SLC25A46: variants seen among roughly 807,000 people sequenced by gnomAD.
SLC25A46 encodes mitochondrial outer membrane protein SLC25A46.
A neutral mutation model predicts 44.6 loss-of-function variants in SLC25A46; 39 were observed. The observed-to-expected ratio is 0.87, with a 90% CI of 0.68 to 1.14. The LOEUF (loss-of-function observed/expected upper bound fraction) is 1.14, where lower values mean the gene tolerates loss of function less well. SLC25A46 is among the 50% of genes most tolerant of loss of function. The pLI, the probability that SLC25A46 is intolerant of heterozygous loss-of-function variation, is 0.00. For missense variants in SLC25A46, 547 were observed against 522.7 expected (o/e 1.05, Z -0.45); for synonymous variants, 202 against 185.8 (o/e 1.09, Z -0.71).
upstream of SLC25A46, chr5:110,738,637 G>A (rs1180070452): frequency 9.8e-6 from 2 of 203,054 alleles, no homozygotes; most frequent in Non-Finnish European, 2.0e-5. Flanking sequence ...AGCTTCCTCG[G>A]AGCAGGCGAG....
chr5:110,749,926 A>G (rs1044105518), intron 5 of SLC25A46, among the ~76,000 whole-genome samples: 17 of 152,154 alleles, frequency 1.1e-4, no homozygotes, highest in African/African-American at 4.1e-4. Flanking sequence ...ATATTTTTGT[A>G]TATCATCCTA....
At chr5:110,738,204 G>C (rs539357284), upstream of SLC25A46, 2 of 1,286,514 alleles carry the variant, frequency 1.6e-6, no homozygotes, top group Admixed American at 2.3e-5. Flanking sequence ...CTCAGATCTG[G>C]GGAGGGAGCC....
upstream of SLC25A46, chr5:110,738,931 C>T (rs1799504250): frequency 2.8e-6 from 4 of 1,421,598 alleles, no homozygotes; most frequent in Non-Finnish European, 3.7e-6. Flanking sequence ...CAACCGTGCC[C>T]TTTAATGGTT....
intron 1 of SLC25A46, 31 bp from the exon 2 acceptor site, chr5:110,742,015 TA>T (rs1339742704): frequency 6.9e-7 from 1 of 1,442,336 alleles, no homozygotes; most frequent in Admixed American, 2.0e-5. Flanking sequence ...TCAGTAATCT[TA>T]TTTTTTTATT....
At chr5:110,738,990 C>G, upstream of SLC25A46, 1 of 1,460,294 alleles carries the variant, frequency 6.8e-7, no homozygotes, top group South Asian at 1.4e-5. Flanking sequence ...GGGTTTCCAA[C>G]GTGACTTCCG....
upstream of SLC25A46, chr5:110,738,256 G>C (rs1799416497): frequency 7.8e-7 from 1 of 1,285,774 alleles, no homozygotes; most frequent in South Asian, 1.2e-5. Flanking sequence ...AGGTAGTAGG[G>C]GACGCTCTAC....
chr5:110,753,305 T>A (rs1228641631), intron 5 of SLC25A46: 1 of 148,902 alleles, frequency 6.7e-6, no homozygotes, highest in Non-Finnish European at 1.5e-5. Context: ...GGGTAAGTTT[T>A]TTTTTTTTTT....
Position 110,764,561 on chromosome 5 carries a change from A to G in SLC25A46, c.*2779A>G, listed in dbSNP as rs528018139. On this transcript the variant is annotated 3_prime_UTR_variant, in exon 8 of 8. Coordinates refer to ENST00000355943, the MANE Select transcript of SLC25A46 (RefSeq NM_138773.4). Reference sequence around the variant, plus strand: ...TTGCAGATATACCTGACCACTCACAACTGTCTTTTTAGCAGCAGCTTTGTT... The same window carrying G: ...TTGCAGATATACCTGACCACTCACAGCTGTCTTTTTAGCAGCAGCTTTGTT... 1 of 152,010 alleles carries G rather than the reference A, an allele frequency of 6.6e-6. No individual in the cohort carries two copies. The highest frequency in any genetic ancestry group is 2.1e-4 in the South Asian group (1 of 4,830). 9.4% of individuals were successfully genotyped at this position (152,010 alleles called of 1,614,324 possible). A position where few individuals can be genotyped will look rare whatever the true frequency, so the allele number is the denominator to read the frequency against.
At position 110,740,674 on chromosome 5, in the gene SLC25A46, G is replaced by A. The variant is rs12188558; in HGVS notation, c.283+1272G>A. ...CTATACATACAAAATGGGTAAGGCCGGGCGTGGTGGCTCACGCCTGTAATC... is the reference window on the plus strand; with the variant it reads ...CTATACATACAAAATGGGTAAGGCCAGGCGTGGTGGCTCACGCCTGTAATC... On this transcript the variant is annotated intron_variant, in intron 1 of 7. Transcript: ENST00000355943. Among the ~76,000 whole-genome samples the A allele has an allele frequency of 1.4e-3, 207 of 152,228 alleles. 1 individual carries two copies. The highest frequency in any genetic ancestry group is 3.8e-3 in the African/African-American group (158 of 41,534).
At chr5:110,749,897 G>A (rs1799917514) in intron 5 of SLC25A46, among the ~76,000 whole-genome samples, 1 of 152,088 alleles carries the variant, frequency 6.6e-6, no homozygotes, top group East Asian at 1.9e-4. Context: ...GCATTACTCT[G>A]ATTTTCTATA....
Position 110,739,226 on chromosome 5 carries a change from G to C in SLC25A46, c.107G>C (p.Gly36Ala). The stretch of plus-strand genomic sequence containing the variant: ...TTCCCTGCAAGGTCCTTCAGCACCG[G>C]GTCGGACCTGGGCCACTGGGTGACG... The part of the protein sequence containing the change: ...GAFPARSFST[G>A]SDLGHWVTTP... The change falls in exon 1 of 8, where the codon GGG becomes GCG. Residue 36 changes from glycine (G) to alanine (A), a missense_variant. Gly to Ala is a moderately conservative substitution (Grantham distance 60). Transcript: ENST00000355943. The C allele has an allele frequency of 6.3e-7, 1 of 1,576,712 alleles. No individual in the cohort carries two copies. The highest frequency in any genetic ancestry group is 1.2e-5 in the South Asian group (1 of 86,074).
At chr5:110,749,081 T>A (rs990109473) in intron 5 of SLC25A46, among the ~76,000 whole-genome samples, 5 of 152,130 alleles carry the variant, frequency 3.3e-5, no homozygotes, top group Non-Finnish European at 7.4e-5. Context: ...TGGCTAGACA[T>A]TTCTGAAGTA....
Position 110,739,281 on chromosome 5 carries a change from C to A in SLC25A46, c.162C>A (p.Asn54Lys). The A allele has an allele frequency of 6.3e-7, 1 of 1,576,692 alleles. No homozygotes were observed. Among genetic ancestry groups the A allele is most frequent in the Non-Finnish European group, 8.6e-7 (1 of 1,161,412 alleles). The change falls in exon 1 of 8, where the codon AAC becomes AAA. Residue 54 changes from asparagine to lysine, a missense_variant. Physicochemically the swap from Asn to Lys is moderately conservative, Grantham distance 94. Coordinates refer to ENST00000355943, the MANE Select transcript of SLC25A46 (RefSeq NM_138773.4). ...TTPPDIPGSR[N>K]LHWGEKSPPY... Reference sequence around the variant, plus strand: ...CCCCAGATATCCCCGGCAGCCGCAACCTGCACTGGGGCGAGAAGAGCCCGC... The same window carrying A: ...CCCCAGATATCCCCGGCAGCCGCAAACTGCACTGGGGCGAGAAGAGCCCGC...
At position 110,739,256 on chromosome 5, in the gene SLC25A46, C is replaced by T. The variant is rs764957322; in HGVS notation, c.137C>T (p.Pro46Leu). 5.1e-6 allele frequency: 8 copies of T among 1,583,238 alleles called. No homozygotes were observed. The South Asian group carries it at 8.1e-5, about 16-fold the overall frequency. Residue 46 changes from proline (P) to leucine (L), a missense_variant, in exon 1 of 8, where the codon CCC (proline) becomes CTC (leucine). Pro to Leu is a moderately conservative substitution (Grantham distance 98). Transcript: ENST00000355943. ...GACCTGGGCCACTGGGTGACGACTC[C>T]CCCAGATATCCCCGGCAGCCGCAAC... ...GSDLGHWVTTPPDIPGSRNLH... is the reference protein window; with the variant it reads ...GSDLGHWVTTLPDIPGSRNLH...
chr5:110,751,819 G>C (rs1458293806), intron 5 of SLC25A46, among the ~76,000 whole-genome samples: 1 of 152,202 alleles, frequency 6.6e-6, no homozygotes, highest in Non-Finnish European at 1.5e-5. Flanking sequence ...GTAGATCAAA[G>C]AGAAGGCAGT....
chr5:110,756,002 A>G (rs1447146330), intron 6 of SLC25A46: 1 of 152,000 alleles, frequency 6.6e-6, no homozygotes, highest in African/African-American at 2.4e-5. Flanking sequence ...GAAGATTGTG[A>G]ATTGGAAATC....
At chr5:110,750,680 G>A (rs1400575784) in intron 5 of SLC25A46, among the ~76,000 whole-genome samples, 1 of 152,124 alleles carries the variant, frequency 6.6e-6, no homozygotes, top group Non-Finnish European at 1.5e-5. Flanking sequence ...AAAAAACTCT[G>A]TACACATTCA....
rs920177616 is a variant in SLC25A46, at chr5:110,764,972, T to C, written c.*3190T>C. 2.0e-5 allele frequency: 3 copies of C among 152,028 alleles called. No individual in the cohort carries two copies. Among genetic ancestry groups the C allele is most frequent in the Admixed American group, 1.3e-4 (2 of 15,214 alleles). 9.4% of individuals were successfully genotyped at this position (152,028 alleles called of 1,614,324 possible). On this transcript the variant is annotated 3_prime_UTR_variant, in exon 8 of 8. Coordinates refer to ENST00000355943, the MANE Select transcript of SLC25A46 (RefSeq NM_138773.4). Reference sequence around the variant, plus strand: ...CTTACTCTTGAGTCATTTAGTATCATTGATATGGTACCAAGTTGTATAGCA... The same window carrying C: ...CTTACTCTTGAGTCATTTAGTATCACTGATATGGTACCAAGTTGTATAGCA...
At position 110,740,375 on chromosome 5, in the gene SLC25A46, G is replaced by A. The variant is rs1050970561; in HGVS notation, c.283+973G>A. On this transcript the variant is annotated intron_variant, in intron 1 of 7. Coordinates refer to ENST00000355943, the MANE Select transcript of SLC25A46 (RefSeq NM_138773.4). ...ACTAACGAATGTCTAGTGAGTAAAT[G>A]AGGATGTGAAGAAAGATAGATGACT... Among the ~76,000 whole-genome samples, 33 of 152,128 alleles carry A rather than the reference G, an allele frequency of 2.2e-4. 1 individual carries two copies. The highest frequency in any genetic ancestry group is 1.3e-3 in the Admixed American group (20 of 15,280).
Sources: allele counts gnomAD v4.1 joint callset (sites outside exome capture counted in the v4.1 genomes callset), GRCh38; gene constraint gnomAD v4.1.1; transcripts MANE v1.5; gene names NCBI Gene and HGNC (gene_info 2026-07-23, HGNC 2026-07-21).